The following FOXP4 variants were observed in gnomAD, a reference collection of about 807,000 sequenced individuals.
FOXP4 encodes the protein forkhead box protein P4.
FOXP4 carries 25 observed loss-of-function variants against 82.6 expected under a neutral mutation model. The observed-to-expected ratio is 0.30, with a 90% CI of 0.22 to 0.42. FOXP4 has a LOEUF of 0.42. FOXP4 is among the 10% of genes least tolerant of loss of function. The probability of loss-of-function intolerance (pLI) is 1.00; values close to 1 mark genes in which losing one functional copy is unlikely to be tolerated. For missense variants in FOXP4, 785 were observed against 900.9 expected, an observed-to-expected ratio of 0.87 and a Z score of 1.65; for synonymous variants, 415 against 388.2, an observed-to-expected ratio of 1.07 and a Z score of -0.81.
At position 41,590,252 on chromosome 6, in the gene FOXP4, C is replaced by A. The variant is rs371984069; in HGVS notation, c.1358-19C>A. The A allele has an allele frequency of 1.2e-6, 2 of 1,613,800 alleles. No individual in the cohort carries two copies. Among genetic ancestry groups the A allele is most frequent in the Non-Finnish European group, 1.7e-6 (2 of 1,179,888 alleles). ...TGAGCCCCATATCTGGCTACCTCAT[C>A]CTCTGCCTGTCTCCCCAGAGCTGGC... On this transcript the variant is annotated intron_variant, in intron 11 of 16. Transcript: ENST00000307972.
intron 2 of FOXP4, chr6:41,570,306 C>T (rs557320405): frequency 6.4e-6 from 3 of 471,104 alleles, no homozygotes; most frequent in South Asian, 1.5e-5. Context: ...CCCGCACTCT[C>T]CAGAGGGGAG....
rs1581772484 is a variant in FOXP4 at position 41,587,432 on chromosome 6, T to C, written c.792T>C (p.Ala264=). 3 of 1,568,996 alleles carry C rather than the reference T, an allele frequency of 1.9e-6. No individual in the cohort carries two copies. The highest frequency in any genetic ancestry group is 1.2e-5 in the South Asian group (1 of 82,884). ...GTAATATSFA[A]PPKVSPPLSH... ...CCGCCACCGCTACCTCGTTTGCCGC[T>C]CCCCCCAAGGTCTCACCCCCCCTCT... is the stretch of plus-strand genomic sequence containing the variant. Residue 264 remains alanine (A), a synonymous_variant, in exon 7 of 17, where the codon GCT becomes GCC. Coordinates refer to ENST00000307972, the MANE Select transcript of FOXP4 (RefSeq NM_001012426.2).
Position 41,582,730 on chromosome 6 carries a change from C to T in FOXP4, c.301-2039C>T, listed in dbSNP as rs1261907529. On this transcript the variant is annotated intron_variant, in intron 3 of 16. Coordinates refer to ENST00000307972, the MANE Select transcript of FOXP4 (RefSeq NM_001012426.2). Reference sequence around the variant, plus strand: ...TTGTCTGCCTCCAACCCCAGGCCCACCACATCCACCCCTGCAGCCTGGCTT... The same window carrying T: ...TTGTCTGCCTCCAACCCCAGGCCCATCACATCCACCCCTGCAGCCTGGCTT... Among the ~76,000 whole-genome samples, 16 of 61,292 alleles carry T rather than the reference C, an allele frequency of 2.6e-4. No individual in the cohort carries two copies. The Admixed American group carries it at 2.8e-3, about 11-fold the overall frequency. The allele number at this position is 61,292 out of a possible 152,430, so 40.2% of individuals were successfully genotyped here.
Position 41,591,854 on chromosome 6 carries a change from T to G in FOXP4, c.1536+532T>G, listed in dbSNP as rs1455481718. ...CATCCCTGGCAGGAAGATAATTGTC[T>G]CCATCCAATTAGTCATTTCAACACC... On this transcript the variant is annotated intron_variant, in intron 13 of 16. Transcript: ENST00000307972. The surrounding 1 kb of genome is among the most constrained non-coding windows in gnomAD (Gnocchi z 4.2). Among the ~76,000 whole-genome samples the G allele has an allele frequency of 6.6e-6, 1 of 152,138 alleles. No individual in the cohort carries two copies. The highest frequency in any genetic ancestry group is 1.5e-5 in the Non-Finnish European group (1 of 68,022).
intron 8 of FOXP4, 38 bp from the exon 9 acceptor site, chr6:41,588,606 C>T (rs185664248): frequency 2.1e-5 from 33 of 1,603,566 alleles, no homozygotes; most frequent in East Asian, 2.0e-4. Context: ...GCAGGGAAAC[C>T]GGAGCCAACT....
rs1204222508 is a variant in FOXP4, at chr6:41,585,012, G to T, written c.423+121G>T. 9 of 1,328,828 alleles carry T rather than the reference G, an allele frequency of 6.8e-6. No homozygotes were observed. The East Asian group carries it at 2.3e-4, about 34-fold the overall frequency. The allele number at this position is 1,328,828 out of a possible 1,614,324, so 82.3% of individuals were successfully genotyped here. On this transcript the variant is annotated intron_variant, in intron 4 of 16. Transcript: ENST00000307972. Reference sequence around the variant, plus strand: ...GAAACCAGAGAGACTGCTCAGGCCAGACTGATCTGCATTCCTCTAGGGTAG... The same window carrying T: ...GAAACCAGAGAGACTGCTCAGGCCATACTGATCTGCATTCCTCTAGGGTAG...
At position 41,585,845 on chromosome 6, in the gene FOXP4, C is replaced by T. The variant is rs1481625136; in HGVS notation, c.510+328C>T. ...CTTGTGGTCGCACCATCTTCCTGCC[C>T]CCTTGTCTCTTTGTGACCCAGCACC... On this transcript the variant is annotated intron_variant, in intron 5 of 16. Transcript: ENST00000307972. Among the ~76,000 whole-genome samples the T allele has an allele frequency of 2.6e-5, 4 of 152,090 alleles. No homozygotes were observed. In the East Asian group the frequency reaches 7.7e-4, roughly 29 times the overall value.
At chr6:41,586,618 G>T (rs1325354835) in intron 5 of FOXP4, among the ~76,000 whole-genome samples, 1 of 152,208 alleles carries the variant, frequency 6.6e-6, no homozygotes, top group African/African-American at 2.4e-5. Context: ...TGTGGGAAGG[G>T]TGCCCTCCAG....
intron 4 of FOXP4, among the ~76,000 whole-genome samples, 168 bp downstream of exon 4, chr6:41,585,059 G>A (rs1342842297): frequency 2.0e-5 from 3 of 152,116 alleles, no homozygotes; most frequent in Admixed American, 1.3e-4. Flanking sequence ...CAAAGGTCAG[G>A]CATCTCTTAT....
At chr6:41,598,083 TCTTC>T (rs1766973756) in intron 16 of FOXP4, 133 bp downstream of exon 16, 4 of 710,562 alleles carry the variant, frequency 5.6e-6, no homozygotes, top group Admixed American at 7.2e-5. Context: ...GTGGCTTCTC[TCTTC>T]CTTCCCTCAG....
chr6:41,575,914 A>C (rs944125346), intron 2 of FOXP4, among the ~76,000 whole-genome samples: 18 of 151,680 alleles, frequency 1.2e-4, no homozygotes, highest in African/African-American at 4.1e-4. Context: ...GTACCCCCTC[A>C]ACCCTACTCT....
chr6:41,579,438 G>A (rs563501525), intron 3 of FOXP4, among the ~76,000 whole-genome samples: 15 of 152,236 alleles, frequency 9.9e-5, no homozygotes, highest in Admixed American at 7.8e-4. Context: ...AATCCTGCCC[G>A]CCCTGGACCC....
At chr6:41,578,725 G>C (rs1419388201) in intron 3 of FOXP4, among the ~76,000 whole-genome samples, 2 of 142,874 alleles carry the variant, frequency 1.4e-5, no homozygotes, top group East Asian at 2.2e-4. Context: ...GGCGGGGGGT[G>C]GGGGAGCCAG....
At chr6:41,573,088 C>G (rs1438992456) in intron 2 of FOXP4, among the ~76,000 whole-genome samples, 1 of 152,220 alleles carries the variant, frequency 6.6e-6, no homozygotes, top group Non-Finnish European at 1.5e-5. Flanking sequence ...AACAGCCTTT[C>G]AAGCTTGTCT....
rs377232501 is a variant in FOXP4, at chr6:41,588,740, C to T, written c.1065+9C>T. On this transcript the variant is annotated intron_variant, in intron 9 of 16. Coordinates refer to ENST00000307972, the MANE Select transcript of FOXP4 (RefSeq NM_001012426.2). ...AGCAGCTGGAGATCCAGGTGTGGCC[C>T]GGAAGATGCTGGGGAGGGACATGGT... The T allele has an allele frequency of 2.6e-5, 42 of 1,613,048 alleles. No homozygotes were observed. Among genetic ancestry groups the T allele is most frequent in the African/African-American group, 1.1e-4 (8 of 75,018 alleles).
At position 41,587,407 on chromosome 6, in the gene FOXP4, C is replaced by G. The variant is rs866835572; in HGVS notation, c.767C>G (p.Ala256Gly). The G allele has an allele frequency of 1.9e-6, 3 of 1,588,806 alleles. No homozygotes were observed. The highest frequency in any genetic ancestry group is 1.7e-4 in the Middle Eastern group (1 of 5,928). ...GAGGGGCTGGACCTCACTGGCACGG[C>G]CGCCACCGCTACCTCGTTTGCCGCT... ...KQEGLDLTGT[A>G]ATATSFAAPP... The change falls in exon 7 of 17, where the codon GCC becomes GGC. Residue 256 changes from alanine to glycine, a missense_variant. Transcript: ENST00000307972.
In FOXP4 at chr6:41,587,783, G is replaced by A. The variant is rs1405100060; in HGVS notation, c.873-10G>A. ...GTCCCTGATCGGCCACCTCCCTGCT[G>A]TCCTCCCAGCTCTTCCCACGAGGAG... On this transcript the variant is annotated splice_polypyrimidine_tract_variant and intron_variant, in intron 7 of 16. Coordinates refer to ENST00000307972, the MANE Select transcript of FOXP4 (RefSeq NM_001012426.2). 2 of 1,544,524 alleles carry A rather than the reference G, an allele frequency of 1.3e-6. No individual in the cohort carries two copies. Among genetic ancestry groups the A allele is most frequent in the Non-Finnish European group, 1.8e-6 (2 of 1,139,590 alleles).
chr6:41,570,322 C>T (rs1300207429), intron 2 of FOXP4: 6 of 471,008 alleles, frequency 1.3e-5, no homozygotes, highest in South Asian at 3.1e-5. Context: ...GGGAGGCTTA[C>T]GGACATCACA....
chr6:41,594,693 G>A (rs1426400954), intron 13 of FOXP4, among the ~76,000 whole-genome samples, 177 bp from the exon 14 acceptor site: 1 of 152,158 alleles, frequency 6.6e-6, no homozygotes, highest in Non-Finnish European at 1.5e-5. Flanking sequence ...TATGGAAAGG[G>A]TAGGGGCCCG....
Sources: allele counts gnomAD v4.1 joint callset (sites outside exome capture counted in the v4.1 genomes callset), GRCh38; gene constraint gnomAD v4.1.1; non-coding constraint Gnocchi (gnomAD v3.1); transcripts MANE v1.5; gene names NCBI Gene and HGNC (gene_info 2026-07-23, HGNC 2026-07-21).